The following CACNA2D3 variants were observed in gnomAD, a reference collection of about 807,000 sequenced individuals.
The protein encoded by CACNA2D3 is calcium voltage-gated channel auxiliary subunit alpha2delta 3, also known as voltage-dependent calcium channel subunit alpha-2/delta-3.
A neutral mutation model predicts 160.6 loss-of-function variants in CACNA2D3; 60 were observed. The ratio of observed to expected loss-of-function variants is 0.37; its 90% CI spans 0.30 to 0.46. CACNA2D3 has a LOEUF of 0.46. Among genes scored for constraint, CACNA2D3 ranks in the 20% least tolerant of loss-of-function variants. The pLI, the probability that CACNA2D3 is intolerant of heterozygous loss-of-function variation, is 1.00. For missense variants in CACNA2D3, 1,205 were observed against 1,365.0 expected (o/e 0.88, Z 1.85); for synonymous variants, 558 against 492.9 (o/e 1.13, Z -1.75).
intron 2 of CACNA2D3, among the ~76,000 whole-genome samples, chr3:54,296,553 C>G (rs1703346748): frequency 6.6e-6 from 1 of 152,290 alleles, no homozygotes; most frequent in South Asian, 2.1e-4. Context: ...TCCGTGCTCG[C>G]TTTTATTCAC....
At chr3:55,033,872 T>C (rs567119910) in intron 35 of CACNA2D3, among the ~76,000 whole-genome samples, 2 of 127,010 alleles carry the variant, frequency 1.6e-5, no homozygotes, top group East Asian at 4.2e-4. Context: ...TAATATATAA[T>C]ATATATTACA....
chr3:54,443,254 C>T (rs1208379170), intron 4 of CACNA2D3, among the ~76,000 whole-genome samples: 2 of 152,020 alleles, frequency 1.3e-5, no homozygotes, highest in East Asian at 3.9e-4. Context: ...TCAGGCTAGA[C>T]CAGGAATTCT....
chr3:54,601,268 A>G (rs1474463052), intron 9 of CACNA2D3, among the ~76,000 whole-genome samples: 1 of 152,156 alleles, frequency 6.6e-6, no homozygotes, highest in Non-Finnish European at 1.5e-5. Context: ...CAGTGGCATG[A>G]TCATAGCTCA....
intron 5 of CACNA2D3, among the ~76,000 whole-genome samples, chr3:54,531,110 T>C (rs1241667317): frequency 6.6e-6 from 1 of 152,268 alleles, no homozygotes. Flanking sequence ...GATGGTTTGC[T>C]CTGTCTTGTG....
At chr3:54,969,148 A>T (rs891293340) in intron 28 of CACNA2D3, among the ~76,000 whole-genome samples, 48 of 152,282 alleles carry the variant, frequency 3.2e-4, no homozygotes, top group African/African-American at 1.1e-3. Flanking sequence ...GGGTTTTTTA[A>T]AGTCACTGAG....
chr3:54,652,355 C>T (rs1003150427), intron 11 of CACNA2D3, among the ~76,000 whole-genome samples: 12 of 152,182 alleles, frequency 7.9e-5, no homozygotes, highest in African/African-American at 2.7e-4. Context: ...GGGGCTAAGA[C>T]ACCTCCAATG....
intron 5 of CACNA2D3, among the ~76,000 whole-genome samples, chr3:54,541,569 G>C (rs1701979367): frequency 6.6e-6 from 1 of 152,186 alleles, no homozygotes; most frequent in Non-Finnish European, 1.5e-5. Flanking sequence ...CACCCTGGTG[G>C]TGGTAGCTTT....
intron 5 of CACNA2D3, among the ~76,000 whole-genome samples, chr3:54,521,032 TACTA>T (rs34717025): frequency 0.64 from 96,750 of 151,602 alleles, 31,083 homozygotes; most frequent in South Asian, 0.66. Flanking sequence ...CTTGGGTTGC[TACTA>T]ACTTTTTGTC....
intron 27 of CACNA2D3, among the ~76,000 whole-genome samples, chr3:54,962,279 A>C (rs1702048456): frequency 6.6e-6 from 1 of 152,170 alleles, no homozygotes; most frequent in South Asian, 2.1e-4. Context: ...TAATTCTCTA[A>C]GAGCCTGCTT....
intron 3 of CACNA2D3, among the ~76,000 whole-genome samples, chr3:54,321,891 G>A (rs1704006942): frequency 7.1e-6 from 1 of 141,026 alleles, no homozygotes; most frequent in Non-Finnish European, 1.5e-5. Flanking sequence ...AGCGACAGTG[G>A]TGTGCAAGTG....
intron 11 of CACNA2D3, among the ~76,000 whole-genome samples, chr3:54,739,441 AC>A (rs1325640383): frequency 4.8e-4 from 67 of 139,408 alleles, no homozygotes; most frequent in Middle Eastern, 3.7e-3. Context: ...AAAAAAAAAA[AC>A]AAAAAAAAAA....
chr3:55,033,889 G>GTAATACATATTATATATTAAA (rs1559469685), intron 35 of CACNA2D3, among the ~76,000 whole-genome samples: 3 of 91,132 alleles, frequency 3.3e-5, no homozygotes, highest in African/African-American at 1.2e-4. Flanking sequence ...TACATATTAA[G>GTAATACATATTATATATTAAA]TATATTTAAT....
chr3:54,925,587 G>C (rs1235014018), intron 27 of CACNA2D3, among the ~76,000 whole-genome samples: 4 of 152,216 alleles, frequency 2.6e-5, no homozygotes, highest in African/African-American at 9.6e-5. Context: ...GTGTAAAAGA[G>C]TGTTAGAGGA....
chr3:54,743,668 G>C (rs768231124), intron 11 of CACNA2D3, among the ~76,000 whole-genome samples: 5 of 152,172 alleles, frequency 3.3e-5, no homozygotes, highest in African/African-American at 4.8e-5. Context: ...CCTTACACAT[G>C]TTAGTTTGAC....
chr3:54,626,684 C>CAAAAAATAAAAAAA, intron 9 of CACNA2D3: 1 of 313,444 alleles, frequency 3.2e-6, no homozygotes, highest in Non-Finnish European at 5.3e-6. Context: ...TGGTTCCAGT[C>CAAAAAATAAAAAAA]AAAAAAAAAA....
At chr3:54,440,582 C>A (rs1408091348) in intron 4 of CACNA2D3, among the ~76,000 whole-genome samples, 3 of 152,040 alleles carry the variant, frequency 2.0e-5, no homozygotes, top group Non-Finnish European at 1.5e-5. Flanking sequence ...GTGTGCCGCA[C>A]CCATTAACTC....
chr3:54,776,880 G>T (rs115533382), intron 13 of CACNA2D3, among the ~76,000 whole-genome samples: 1 of 152,098 alleles, frequency 6.6e-6, no homozygotes, highest in South Asian at 2.1e-4. Context: ...TGTGCCTTCC[G>T]AGAGCTGAGG....
At chr3:54,895,284 A>G (rs1307802047) in intron 25 of CACNA2D3, among the ~76,000 whole-genome samples, 1 of 152,222 alleles carries the variant, frequency 6.6e-6, no homozygotes, top group African/African-American at 2.4e-5. Context: ...TGTGATCATT[A>G]AGCATACACC....
intron 21 of CACNA2D3, among the ~76,000 whole-genome samples, chr3:54,885,046 C>T (rs1699889332): frequency 6.6e-6 from 1 of 152,096 alleles, no homozygotes; most frequent in Non-Finnish European, 1.5e-5. Flanking sequence ...CTGGGATGAA[C>T]AGCCAGGGAA....
Sources: allele counts gnomAD v4.1 joint callset (sites outside exome capture counted in the v4.1 genomes callset), GRCh38; gene constraint gnomAD v4.1.1; transcripts MANE v1.5; gene names NCBI Gene and HGNC (gene_info 2026-07-23, HGNC 2026-07-21).